KDM2B: variants seen among roughly 807,000 people sequenced by gnomAD.
The protein encoded by KDM2B is lysine demethylase 2B, also known as lysine-specific demethylase 2B.
In KDM2B, 26 loss-of-function variants were observed where a neutral mutation model predicts 150.0. The ratio of observed to expected loss-of-function variants is 0.17; its 90% CI spans 0.13 to 0.24. KDM2B has a LOEUF of 0.24. Ranked by LOEUF, KDM2B falls within the 10% of genes least tolerant of loss-of-function variation. The pLI is 1.00. For synonymous variants in KDM2B, 734 were observed against 729.5 expected (o/e 1.01, Z -0.10); for missense variants, 1,265 against 1,816.9 (o/e 0.70, Z 5.52).
chr12:121,581,657 G>A (rs907761763), upstream of KDM2B, among the ~76,000 whole-genome samples: 4 of 152,238 alleles, frequency 2.6e-5, no homozygotes, highest in African/African-American at 7.2e-5. Context: ...CTTTGAGCCT[G>A]ACATTTTATT....
chr12:121,568,866 TAAAAAA>T (rs56132369), intron 4 of KDM2B, among the ~76,000 whole-genome samples: 2 of 139,924 alleles, frequency 1.4e-5, no homozygotes, highest in East Asian at 2.1e-4. Flanking sequence ...GCTTTTTTGT[TAAAAAA>T]AAAAAAAAAA....
At chr12:121,516,598 G>A in intron 9 of KDM2B, 10 of 1,238,998 alleles carry the variant, frequency 8.1e-6, no homozygotes, top group Middle Eastern at 1.9e-4. Flanking sequence ...GTTAACCAAC[G>A]TCAGTCCAAA....
At chr12:121,511,457 C>T (rs182114953) in intron 10 of KDM2B, among the ~76,000 whole-genome samples, 2 of 151,960 alleles carry the variant, frequency 1.3e-5, no homozygotes, top group African/African-American at 4.8e-5. Flanking sequence ...GAACTAATTT[C>T]ATATTTTTAG....
intron 13 of KDM2B, among the ~76,000 whole-genome samples, chr12:121,449,700 A>C (rs782557899): frequency 2.6e-5 from 4 of 152,170 alleles, no homozygotes; most frequent in Non-Finnish European, 5.9e-5. Flanking sequence ...TGCTATAGAC[A>C]AGCTCTTTTA....
chr12:121,574,629 C>T lies in KDM2B; in HGVS notation c.351-36G>A, dbSNP rs546786577. ...AGGAGCACAGACCTTTGGTGAGAGG[C>T]CAGAAACAACAGAGCTAGACTACCC... On this transcript the variant is annotated intron_variant, in intron 3 of 22. Transcript: ENST00000377071. The T allele has an allele frequency of 8.7e-6, 14 of 1,602,580 alleles. No homozygotes were observed. In the South Asian group the frequency reaches 1.4e-4, roughly 16 times the overall value.
At chr12:121,469,218 G>A (rs1555295443) in intron 12 of KDM2B, 2 of 151,476 alleles carry the variant, frequency 1.3e-5, no homozygotes, top group Non-Finnish European at 2.9e-5. Flanking sequence ...TTATTTTTCA[G>A]AATCTTCTCA....
In KDM2B at chr12:121,441,120, C is replaced by G; in HGVS notation, c.3398G>C (p.Trp1133Ser). 1 of 1,614,236 alleles carries G rather than the reference C, an allele frequency of 6.2e-7. No individual in the cohort carries two copies. The highest frequency in any genetic ancestry group is 1.7e-5 in the Admixed American group (1 of 60,034). The change falls in exon 20 of 23, where the codon TGG becomes TCG. Residue 1133 changes from tryptophan to serine, a missense_variant. By Grantham distance (177) the Trp-to-Ser change is radical. Around this residue, in one of 11 missense-constraint regions of KDM2B, gnomAD observed 251 missense variants for 397.8 expected, o/e 0.63. Coordinates refer to ENST00000377071, the MANE Select transcript of KDM2B (RefSeq NM_032590.5). ...CAGCTGCTTCTTGGAGATATTGGTC[C>G]AGCTGAGGTCGAGGGAGACGGGCTG... ...RRQPVSLDLS[W>S]TNISKKQLSW...
At chr12:121,422,114 AACG>A in the KDM2B span, among the ~76,000 whole-genome samples, 1 of 152,216 alleles carries the variant, frequency 6.6e-6, no homozygotes, top group African/African-American at 2.4e-5. Flanking sequence ...TACAGTGCAC[AACG>A]ATAATGCCAT....
the KDM2B span, chr12:121,420,446 T>C: frequency 6.5e-7 from 1 of 1,550,058 alleles, no homozygotes; most frequent in Non-Finnish European, 8.8e-7. Flanking sequence ...GGTTTGAATG[T>C]AGGACAGTAT....
intron 13 of KDM2B, among the ~76,000 whole-genome samples, chr12:121,450,947 G>A (rs1877162785): frequency 6.6e-6 from 1 of 152,182 alleles, no homozygotes; most frequent in Admixed American, 6.5e-5. Context: ...ACAGTACAGA[G>A]GTTCCTCAAA....
chr12:121,420,037 T>C, the KDM2B span: 1 of 489,656 alleles, frequency 2.0e-6, no homozygotes, highest in South Asian at 2.3e-5. Context: ...CAGGAATTTG[T>C]GTTTTGAGCT....
At chr12:121,459,953 G>A (rs958318503) in intron 12 of KDM2B, among the ~76,000 whole-genome samples, 3 of 152,010 alleles carry the variant, frequency 2.0e-5, no homozygotes, top group African/African-American at 7.3e-5. Context: ...AATATACAAA[G>A]AACTCCGACA....
chr12:121,471,679 G>A (rs1056523495), intron 12 of KDM2B, among the ~76,000 whole-genome samples: 26 of 152,280 alleles, frequency 1.7e-4, no homozygotes, highest in Middle Eastern at 3.4e-3. Flanking sequence ...GCTCTCCAGC[G>A]TGAAACCCCT....
At position 121,537,921 on chromosome 12, in the gene KDM2B, C is replaced by T. The variant is rs1259989088; in HGVS notation, c.684-3331G>A. On this transcript the variant is annotated intron_variant, in intron 6 of 22. Transcript: ENST00000377071. The surrounding 1 kb of genome is among the most constrained non-coding windows in gnomAD (Gnocchi z 8.7). ...CGCGGCCCGCGGTTACCCTCGGCGG[C>T]GGCGGCGGCGGCTCCCGTGCGTCCC... Among the ~76,000 whole-genome samples the T allele has an allele frequency of 6.6e-6, 1 of 150,642 alleles. No homozygotes were observed. Among genetic ancestry groups the T allele is most frequent in the Non-Finnish European group, 1.5e-5 (1 of 67,560 alleles).
chr12:121,439,078 A>G (rs1427330764), intron 22 of KDM2B, among the ~76,000 whole-genome samples: 3 of 152,166 alleles, frequency 2.0e-5, no homozygotes, highest in African/African-American at 4.8e-5. Flanking sequence ...ACAGAGAACA[A>G]TAATGGAACT....
chr12:121,550,733 AT>A (rs1889420375), intron 4 of KDM2B, among the ~76,000 whole-genome samples: 1 of 152,104 alleles, frequency 6.6e-6, no homozygotes, highest in Non-Finnish European at 1.5e-5. Context: ...ACCTCAAGGG[AT>A]CCACCCACCT....
At chr12:121,443,439 G>C (rs1421426487) in intron 17 of KDM2B, 5 of 589,590 alleles carry the variant, frequency 8.5e-6, no homozygotes, top group Admixed American at 3.0e-5. Context: ...GGGTGGAGCA[G>C]GGCCACCAGG....
intron 12 of KDM2B, among the ~76,000 whole-genome samples, chr12:121,462,673 TA>T (rs1382734566): frequency 2.0e-5 from 3 of 152,132 alleles, no homozygotes; most frequent in African/African-American, 7.2e-5. Context: ...TTTGTATTTT[TA>T]GTAGAGACGG....
chr12:121,479,225 G>A (rs984857734), intron 12 of KDM2B, among the ~76,000 whole-genome samples: 34 of 151,818 alleles, frequency 2.2e-4, no homozygotes, highest in Admixed American at 5.9e-4. Flanking sequence ...CAAGGCGGGC[G>A]GATCATGAGG....
Sources: gnomAD v4.1 joint callset for allele counts (sites outside exome capture counted in the v4.1 genomes callset) on GRCh38, gnomAD v4.1.1 for gene constraint, gnomAD v4.1.1 regional missense constraint, Gnocchi (gnomAD v3.1) non-coding constraint, MANE v1.5 for transcripts, NCBI Gene and HGNC (gene_info 2026-07-23, HGNC 2026-07-21) for gene names.